Variants in NEGR1 observed in about 807,000 individuals in gnomAD.
NEGR1 encodes neuronal growth regulator 1.
NEGR1 carries 10 observed loss-of-function variants against 40.9 expected under a neutral mutation model. The ratio of observed to expected loss-of-function variants is 0.24; its 90% CI spans 0.15 to 0.42. The LOEUF is 0.42. Among genes scored for constraint, NEGR1 ranks in the 10% least tolerant of loss-of-function variants. The pLI is 1.00. For synonymous variants in NEGR1, 185 were observed against 166.8 expected (o/e 1.11, Z -0.84); for missense variants, 352 against 438.9 (o/e 0.80, Z 1.77).
chr1:71,998,831 A>T (rs1347460458), intron 1 of NEGR1, among the ~76,000 whole-genome samples: 1 of 151,682 alleles, frequency 6.6e-6, no homozygotes, highest in Non-Finnish European at 1.5e-5. Context: ...AATGAATATT[A>T]TTTATCTACA....
chr1:72,189,517 T>G (rs1652738907), intron 1 of NEGR1, among the ~76,000 whole-genome samples: 1 of 151,556 alleles, frequency 6.6e-6, no homozygotes, highest in African/African-American at 2.4e-5. Context: ...CTCCTCACTG[T>G]ATATATGTCT....
chr1:71,690,091 T>G (rs1282055831), intron 4 of NEGR1, among the ~76,000 whole-genome samples: 1 of 152,060 alleles, frequency 6.6e-6, no homozygotes, highest in South Asian at 2.1e-4. Context: ...TCTACCATAC[T>G]CTGCCCCTAA....
intron 1 of NEGR1, among the ~76,000 whole-genome samples, chr1:72,143,904 TG>T (rs549661604): frequency 3.5e-4 from 28 of 79,192 alleles, no homozygotes; most frequent in African/African-American, 1.2e-3. Flanking sequence ...ATTATATATA[TG>T]ATATATATAA....
In NEGR1 at chr1:71,402,292, C is replaced by A. The variant is rs999473719; in HGVS notation, c.*5154G>T. 1.3e-5 allele frequency: 2 copies of A among 152,112 alleles called. No individual in the cohort carries two copies. The highest frequency in any genetic ancestry group is 4.8e-5 in the African/African-American group (2 of 41,418). The allele number at this position is 152,112 out of a possible 1,614,324, so 9.4% of individuals were successfully genotyped here. On this transcript the variant is annotated 3_prime_UTR_variant, in exon 7 of 7. Coordinates refer to ENST00000357731, the MANE Select transcript of NEGR1 (RefSeq NM_173808.3). Reference sequence around the variant, plus strand: ...GAGAAAGCCACAATAGCAACACTTGCAAAAGTGCTCCATTGTAAAATGCAA... The same window carrying A: ...GAGAAAGCCACAATAGCAACACTTGAAAAAGTGCTCCATTGTAAAATGCAA...
intron 3 of NEGR1, among the ~76,000 whole-genome samples, chr1:71,701,076 CT>C (rs1478493096): frequency 6.6e-6 from 1 of 151,988 alleles, no homozygotes; most frequent in Non-Finnish European, 1.5e-5. Flanking sequence ...CTATCAACAC[CT>C]TGCTTTGAGT....
intron 1 of NEGR1, among the ~76,000 whole-genome samples, chr1:72,049,347 T>C (rs544778970): frequency 1.3e-5 from 2 of 151,316 alleles, no homozygotes; most frequent in African/African-American, 4.8e-5. Context: ...TAAAAATACT[T>C]AATAAATAAG....
At chr1:72,077,647 A>T (rs554514864) in intron 1 of NEGR1, among the ~76,000 whole-genome samples, 1 of 150,998 alleles carries the variant, frequency 6.6e-6, no homozygotes, top group African/African-American at 2.4e-5. Context: ...TAAATAAATA[A>T]ATAAATAAAT....
intron 1 of NEGR1, among the ~76,000 whole-genome samples, chr1:72,269,051 T>A (rs933861035): frequency 6.6e-6 from 1 of 151,540 alleles, no homozygotes; most frequent in Non-Finnish European, 1.5e-5. Context: ...AAAAGATTCT[T>A]AAATTATGTG....
chr1:71,452,468 A>T (rs1242807761), intron 6 of NEGR1, among the ~76,000 whole-genome samples: 1 of 152,188 alleles, frequency 6.6e-6, no homozygotes, highest in Non-Finnish European at 1.5e-5. Flanking sequence ...AGATAAAAGG[A>T]TTGTTTCTAG....
chr1:72,048,211 G>A (rs1647020599), intron 1 of NEGR1, among the ~76,000 whole-genome samples: 1 of 151,550 alleles, frequency 6.6e-6, no homozygotes, highest in Non-Finnish European at 1.5e-5. Context: ...TCTACTAGAA[G>A]TGATAACGAC....
chr1:72,003,388 T>A (rs922506932), intron 1 of NEGR1, among the ~76,000 whole-genome samples: 2 of 152,026 alleles, frequency 1.3e-5, no homozygotes, highest in Non-Finnish European at 2.9e-5. Context: ...CTAAAGGGAT[T>A]TTGGCAGGAT....
At chr1:71,914,119 G>A (rs895015211) in intron 2 of NEGR1, among the ~76,000 whole-genome samples, 2 of 152,172 alleles carry the variant, frequency 1.3e-5, no homozygotes, top group Admixed American at 6.5e-5. Context: ...ATTCTGAGAC[G>A]CCAATCCTGA....
chr1:71,408,177 G>T (rs1384364395), intron 6 of NEGR1, among the ~76,000 whole-genome samples: 2 of 152,012 alleles, frequency 1.3e-5, no homozygotes, highest in Admixed American at 6.6e-5. Flanking sequence ...AGACTATCAT[G>T]TGGGTAGAAG....
At chr1:72,086,972 T>C (rs1325351897) in intron 1 of NEGR1, among the ~76,000 whole-genome samples, 1 of 152,054 alleles carries the variant, frequency 6.6e-6, no homozygotes, top group Admixed American at 6.5e-5. Flanking sequence ...AAACACATGG[T>C]TAGAGATTAG....
intron 6 of NEGR1, among the ~76,000 whole-genome samples, chr1:71,428,668 T>C (rs1646445283): frequency 6.7e-6 from 1 of 149,002 alleles, no homozygotes; most frequent in East Asian, 1.9e-4. Context: ...TTTATTATAA[T>C]AAATAAATTT....
chr1:72,215,399 A>G (rs1004064419), intron 1 of NEGR1, among the ~76,000 whole-genome samples: 1 of 152,206 alleles, frequency 6.6e-6, no homozygotes. Context: ...TCTGCACAGT[A>G]ACAGAAATTA....
chr1:71,509,913 CTAGACATAATAA>C (rs1647061385), intron 6 of NEGR1, among the ~76,000 whole-genome samples: 1 of 152,146 alleles, frequency 6.6e-6, no homozygotes, highest in Non-Finnish European at 1.5e-5. Context: ...CAGGCTTGTG[CTAGACATAATAA>C]TAGAAGAAAA....
At chr1:71,414,906 C>T (rs867217051) in intron 6 of NEGR1, among the ~76,000 whole-genome samples, 4 of 152,012 alleles carry the variant, frequency 2.6e-5, no homozygotes, top group African/African-American at 7.2e-5. Context: ...TCAGTGTGGT[C>T]GACTAACAAT....
At chr1:71,971,040 C>G (rs1008950144) in intron 1 of NEGR1, among the ~76,000 whole-genome samples, 1 of 152,028 alleles carries the variant, frequency 6.6e-6, no homozygotes, top group Non-Finnish European at 1.5e-5. Context: ...TCAGAGTGCC[C>G]CTAAATTTAA....
Sources: gnomAD v4.1 joint callset for allele counts (sites outside exome capture counted in the v4.1 genomes callset) on GRCh38, gnomAD v4.1.1 for gene constraint, MANE v1.5 for transcripts, NCBI Gene and HGNC (gene_info 2026-07-23, HGNC 2026-07-21) for gene names.